Variants in PLCL1 observed in about 807,000 individuals in gnomAD.
PLCL1 encodes phospholipase C like 1 (inactive), also known as inactive phospholipase C-like protein 1.
A neutral mutation model predicts 84.4 loss-of-function variants in PLCL1; 41 were observed. The observed-to-expected ratio is 0.49, with a 90% CI of 0.38 to 0.63. The LOEUF is 0.63. Ranked by LOEUF, PLCL1 falls within the 30% of genes least tolerant of loss-of-function variation. The pLI is 0.00. For missense variants in PLCL1, 1,206 were observed against 1,367.8 expected, an observed-to-expected ratio of 0.88 and a Z score of 1.87; for synonymous variants, 490 against 488.3, an observed-to-expected ratio of 1.00 and a Z score of -0.05.
At chr2:198,081,953 G>A (rs1042152925) in intron 1 of PLCL1, among the ~76,000 whole-genome samples, 5 of 152,160 alleles carry the variant, frequency 3.3e-5, no homozygotes, top group Non-Finnish European at 7.3e-5. Context: ...GTAATCTTAT[G>A]TGGTTGTTTG....
In PLCL1 at chr2:197,879,056, C is replaced by T. The variant is rs182420509; in HGVS notation, c.240+73717C>T. Among the ~76,000 whole-genome samples the T allele has an allele frequency of 2.5e-4, 38 of 152,288 alleles. 1 individual carries two copies. Among genetic ancestry groups the T allele is most frequent in the Admixed American group, 4.6e-4 (7 of 15,294 alleles). On this transcript the variant is annotated intron_variant, in intron 1 of 5. Coordinates refer to ENST00000428675, the MANE Select transcript of PLCL1 (RefSeq NM_006226.4). ...CAGTTGTCTTCCTCCCGCTGGGGCA[C>T]AGCTTCCTTCTGCAGTTCCTTCCAT...
At chr2:198,012,560 A>C (rs986073437) in intron 1 of PLCL1, among the ~76,000 whole-genome samples, 1 of 151,992 alleles carries the variant, frequency 6.6e-6, no homozygotes, top group African/African-American at 2.4e-5. Flanking sequence ...ATTTACATTT[A>C]AGGTAATTAC....
intron 1 of PLCL1, among the ~76,000 whole-genome samples, chr2:197,952,059 A>G (rs551620401): frequency 3.3e-5 from 5 of 152,240 alleles, no homozygotes; most frequent in Non-Finnish European, 7.4e-5. Flanking sequence ...CCCCTAACTG[A>G]GCAAACAAGT....
intron 1 of PLCL1, among the ~76,000 whole-genome samples, chr2:198,073,791 G>C (rs984329295): frequency 1.3e-5 from 2 of 152,106 alleles, no homozygotes; most frequent in African/African-American, 4.8e-5. Context: ...GCAAGAAGGA[G>C]TCCATTTGTT....
intron 1 of PLCL1, among the ~76,000 whole-genome samples, chr2:197,896,617 T>G (rs1688136428): frequency 6.6e-6 from 1 of 152,104 alleles, no homozygotes; most frequent in Non-Finnish European, 1.5e-5. Flanking sequence ...GTGCTTAACA[T>G]CAGGCATAAT....
chr2:198,033,232 G>A (rs1329523614), intron 1 of PLCL1, among the ~76,000 whole-genome samples: 2 of 152,218 alleles, frequency 1.3e-5, no homozygotes, highest in Non-Finnish European at 1.5e-5. Context: ...AATACCAAGA[G>A]CAGCATTAGC....
At chr2:197,966,482 C>T (rs1387141418) in intron 1 of PLCL1, among the ~76,000 whole-genome samples, 18 of 152,156 alleles carry the variant, frequency 1.2e-4, no homozygotes, top group Admixed American at 1.1e-3. Flanking sequence ...AATTCACCCT[C>T]CATTGAGTTT....
In PLCL1 at chr2:198,085,792, G is replaced by A; in HGVS notation, c.2275G>A (p.Ala759Thr). 1 of 1,614,166 alleles carries A rather than the reference G, an allele frequency of 6.2e-7. No homozygotes were observed. The highest frequency in any genetic ancestry group is 1.1e-5 in the South Asian group (1 of 91,084). The change falls in exon 2 of 6, where the codon GCG becomes ACG. Residue 759 changes from alanine to threonine, a missense_variant. Ala to Thr is a moderately conservative substitution (Grantham distance 58, BLOSUM62 0). Coordinates refer to ENST00000428675, the MANE Select transcript of PLCL1 (RefSeq NM_006226.4). This position sits in a 1 kb window ranked among gnomAD's most constrained non-coding sequence, Gnocchi z 5.3. The stretch of plus-strand genomic sequence containing the variant: ...TTGTATAGAGATACACGGAATTCCA[G>A]CGGATTGTTCGGAACAAAGAACTAA... ...YVCIEIHGIP[A>T]DCSEQRTKTV...
At chr2:198,128,099 C>T (rs1349145079) in intron 5 of PLCL1, among the ~76,000 whole-genome samples, 2 of 152,078 alleles carry the variant, frequency 1.3e-5, no homozygotes, top group Non-Finnish European at 2.9e-5. Context: ...TTGTCTTTTT[C>T]CTTTCATTCG....
chr2:197,817,781 G>C (rs776921020), intron 1 of PLCL1, among the ~76,000 whole-genome samples: 29 of 152,162 alleles, frequency 1.9e-4, no homozygotes, highest in Non-Finnish European at 3.5e-4. Context: ...GAGGGGAATG[G>C]AGTCAGATGG....
intron 1 of PLCL1, among the ~76,000 whole-genome samples, chr2:197,890,846 C>T (rs995053001): frequency 2.7e-4 from 5 of 18,502 alleles, no homozygotes; most frequent in Non-Finnish European, 4.0e-4. Context: ...TATATATGCA[C>T]GCATATATAT....
At chr2:198,141,812 G>T (rs1694394289) in intron 5 of PLCL1, among the ~76,000 whole-genome samples, 1 of 152,184 alleles carries the variant, frequency 6.6e-6, no homozygotes. Context: ...AACCCAGTCT[G>T]CTGATGAGTG....
intron 1 of PLCL1, among the ~76,000 whole-genome samples, chr2:197,958,600 C>G (rs924517848): frequency 6.6e-6 from 1 of 152,058 alleles, no homozygotes; most frequent in Non-Finnish European, 1.5e-5. Flanking sequence ...TGGCACACTT[C>G]AAGATGTGAC....
intron 1 of PLCL1, among the ~76,000 whole-genome samples, chr2:197,961,816 C>A (rs796472179): frequency 6.6e-6 from 1 of 151,842 alleles, no homozygotes; most frequent in Non-Finnish European, 1.5e-5. Flanking sequence ...TCTCCTGGAA[C>A]AAAGGATGAG....
chr2:197,934,608 T>G (rs1171724054), intron 1 of PLCL1, among the ~76,000 whole-genome samples: 1 of 152,174 alleles, frequency 6.6e-6, no homozygotes, highest in Non-Finnish European at 1.5e-5. Context: ...GGATAAGTTT[T>G]TTTTTCTTCG....
chr2:197,988,324 C>T (rs1440468760), intron 1 of PLCL1, among the ~76,000 whole-genome samples: 2 of 152,092 alleles, frequency 1.3e-5, no homozygotes, highest in African/African-American at 4.8e-5. Flanking sequence ...TTTAGTGTAC[C>T]TATCACCCGA....
chr2:197,900,733 C>A (rs1688246568), intron 1 of PLCL1, among the ~76,000 whole-genome samples: 1 of 152,080 alleles, frequency 6.6e-6, no homozygotes. Flanking sequence ...TGTATGTTTA[C>A]AAAGTGAAAG....
intron 5 of PLCL1, among the ~76,000 whole-genome samples, chr2:198,133,798 A>G (rs1357611635): frequency 1.3e-5 from 2 of 152,100 alleles, no homozygotes; most frequent in African/African-American, 2.4e-5. Flanking sequence ...CTGAGTTGCT[A>G]TTTTCAATGA....
At chr2:197,930,154 A>G (rs1034736944) in intron 1 of PLCL1, among the ~76,000 whole-genome samples, 34 of 152,338 alleles carry the variant, frequency 2.2e-4, no homozygotes, top group African/African-American at 8.2e-4. Flanking sequence ...GTGATCTGCA[A>G]TGGAATATGT....
Sources: allele counts gnomAD v4.1 joint callset (sites outside exome capture counted in the v4.1 genomes callset), GRCh38; gene constraint gnomAD v4.1.1; non-coding constraint Gnocchi (gnomAD v3.1); transcripts MANE v1.5; gene names NCBI Gene and HGNC (gene_info 2026-07-23, HGNC 2026-07-21).